NAPEPLD: variants seen among roughly 807,000 people sequenced by gnomAD.
NAPEPLD encodes N-acyl-phosphatidylethanolamine-hydrolyzing phospholipase D.
In NAPEPLD, 23 loss-of-function variants were observed where a neutral mutation model predicts 38.1. The observed-to-expected ratio is 0.60, with a 90% CI of 0.43 to 0.86. The LOEUF (loss-of-function observed/expected upper bound fraction) is 0.86. Ranked by LOEUF, NAPEPLD falls within the 40% of genes least tolerant of loss-of-function variation. NAPEPLD has a pLI of 0.00. For missense variants in NAPEPLD, 411 were observed against 476.8 expected (o/e 0.86, Z 1.28); for synonymous variants, 147 against 162.0 (o/e 0.91, Z 0.71).
chr7:103,127,360 A>C (rs1808039800), intron 2 of NAPEPLD: 1 of 152,256 alleles, frequency 6.6e-6, no homozygotes, highest in Admixed American at 6.5e-5. Context: ...CTATACCCAA[A>C]TTATCAATTA....
chr7:103,109,059 C>T (rs1485909507), intron 4 of NAPEPLD, among the ~76,000 whole-genome samples: 2 of 152,122 alleles, frequency 1.3e-5, no homozygotes, highest in Admixed American at 6.5e-5. Context: ...TATATATGCA[C>T]CCAATACAGG....
rs187755973 is a variant in NAPEPLD at position 103,109,255 on chromosome 7, G to A, written c.1057-5701C>T. On this transcript the variant is annotated intron_variant, in intron 4 of 4. Coordinates refer to ENST00000465647, the MANE Select transcript of NAPEPLD (RefSeq NM_001122838.3). ...CAAGCAGACCTAACAGACATCTACAGAACTCTCCACCCCCAAATCAACAGA... is the reference window on the plus strand; with the variant it reads ...CAAGCAGACCTAACAGACATCTACAAAACTCTCCACCCCCAAATCAACAGA... Among the ~76,000 whole-genome samples the A allele has an allele frequency of 1.8e-4, 27 of 152,224 alleles. No individual in the cohort carries two copies. The East Asian group carries it at 3.9e-3, about 22-fold the overall frequency.
chr7:103,128,846 T>C (rs2129530426), intron 1 of NAPEPLD, 54 bp from the exon 2 acceptor site: 1 of 1,502,368 alleles, frequency 6.7e-7, no homozygotes, highest in Admixed American at 2.2e-5. Context: ...CATTCAAACA[T>C]AACACAAGGT....
intron 4 of NAPEPLD, among the ~76,000 whole-genome samples, chr7:103,106,938 C>T (rs1011325280): frequency 6.6e-6 from 1 of 152,174 alleles, no homozygotes; most frequent in Non-Finnish European, 1.5e-5. Context: ...GGTCCCTGAC[C>T]CCTGTGTATC....
chr7:103,121,333 T>C (rs1806653436), intron 2 of NAPEPLD, among the ~76,000 whole-genome samples: 1 of 152,202 alleles, frequency 6.6e-6, no homozygotes, highest in South Asian at 2.1e-4. Context: ...TAAAGCTCTT[T>C]TACTGAATTG....
At chr7:103,113,238 T>C (rs1804880778) in intron 4 of NAPEPLD, among the ~76,000 whole-genome samples, 1 of 152,224 alleles carries the variant, frequency 6.6e-6, no homozygotes, top group Non-Finnish European at 1.5e-5. Context: ...CTTCTCCAAA[T>C]ACGCACCCAC....
chr7:103,142,564 C>CCACTG (rs934767436), intron 1 of NAPEPLD, among the ~76,000 whole-genome samples: 19 of 152,136 alleles, frequency 1.2e-4, no homozygotes, highest in African/African-American at 3.6e-4. Context: ...CAAGATCGTG[C>CCACTG]CACTGCACTG....
chr7:103,122,534 G>A (rs551093288), intron 2 of NAPEPLD, among the ~76,000 whole-genome samples: 4 of 152,296 alleles, frequency 2.6e-5, no homozygotes, highest in African/African-American at 9.6e-5. Context: ...AAGAGAAGGA[G>A]CAGCACAGGT....
At chr7:103,147,797 A>C (rs1370081372) in intron 1 of NAPEPLD, among the ~76,000 whole-genome samples, 1 of 152,196 alleles carries the variant, frequency 6.6e-6, no homozygotes, top group Non-Finnish European at 1.5e-5. Context: ...TACACTAAGT[A>C]TTTTTATCTC....
intron 1 of NAPEPLD, chr7:103,141,692 C>T: frequency 1.1e-6 from 1 of 914,708 alleles, no homozygotes; most frequent in South Asian, 1.3e-5. Context: ...ATTGGCTGTA[C>T]CCTTCCGCTT....
At chr7:103,117,479 C>G (rs1188381079) in intron 3 of NAPEPLD, among the ~76,000 whole-genome samples, 1 of 152,082 alleles carries the variant, frequency 6.6e-6, no homozygotes, top group Non-Finnish European at 1.5e-5. Context: ...AACTTAAAAT[C>G]TTAACTGACT....
At chr7:103,111,431 A>T (rs903637147) in intron 4 of NAPEPLD, among the ~76,000 whole-genome samples, 16 of 152,230 alleles carry the variant, frequency 1.1e-4, no homozygotes, top group Non-Finnish European at 2.1e-4. Flanking sequence ...AATGGAACAG[A>T]ACAGAGGCCT....
chr7:103,125,320 C>A (rs892210959), intron 2 of NAPEPLD, among the ~76,000 whole-genome samples: 2 of 152,142 alleles, frequency 1.3e-5, no homozygotes, highest in South Asian at 2.1e-4. Flanking sequence ...AGTATAAGAT[C>A]TATCAAAATG....
intron 3 of NAPEPLD, among the ~76,000 whole-genome samples, chr7:103,119,338 TCAAAA>T (rs1806159835): frequency 6.6e-6 from 1 of 152,196 alleles, no homozygotes; most frequent in Admixed American, 6.5e-5. Flanking sequence ...CATACATATA[TCAAAA>T]CATCATGTTG....
chr7:103,118,866 A>C (rs1806061010), intron 3 of NAPEPLD, among the ~76,000 whole-genome samples: 2 of 152,226 alleles, frequency 1.3e-5, no homozygotes, highest in Admixed American at 1.3e-4. Context: ...ATAGGTCAAT[A>C]GTATGTCAAG....
chr7:103,108,599 C>T (rs1056055495), intron 4 of NAPEPLD, among the ~76,000 whole-genome samples: 2 of 152,172 alleles, frequency 1.3e-5, no homozygotes, highest in Non-Finnish European at 2.9e-5. Flanking sequence ...AAGCACTAAA[C>T]ATGGAAAGGA....
intron 4 of NAPEPLD, among the ~76,000 whole-genome samples, chr7:103,107,903 A>G (rs1803709615): frequency 6.6e-6 from 1 of 152,194 alleles, no homozygotes; most frequent in African/African-American, 2.4e-5. Flanking sequence ...AGAGAACACC[A>G]CAAAGATACT....
At position 103,128,696 on chromosome 7, in the gene NAPEPLD, T is replaced by G; in HGVS notation, c.81A>C (p.Ser27=). 6.2e-7 allele frequency: 1 copy of G among 1,614,218 alleles called. No individual in the cohort carries two copies. Among genetic ancestry groups the G allele is most frequent in the Non-Finnish European group, 8.5e-7 (1 of 1,180,044 alleles). The stretch of plus-strand genomic sequence containing the variant: ...AATCACTTGCTCCGGAATTCCGTGC[T>G]GAATTTTGACGTTTTCTTACTGCTT... The part of the protein sequence containing the change: ...PKEAVRKRQN[S]ARNSGASDSS... The change falls in exon 2 of 5, where the codon TCA becomes TCC. Residue 27 remains serine, a synonymous_variant. Coordinates refer to ENST00000465647, the MANE Select transcript of NAPEPLD (RefSeq NM_001122838.3).
In NAPEPLD at chr7:103,133,412, G is replaced by GAA. The variant is rs531586501; in HGVS notation, c.-16-4622_-16-4621dup. Among the ~76,000 whole-genome samples the GAA allele has an allele frequency of 2.6e-4, 40 of 152,328 alleles. 3 individuals carry two copies. In the South Asian group the frequency reaches 8.3e-3, roughly 32 times the overall value. ...CAGAAGCACGTAAAACCTGAGCCTT[G>GAA]AAACTCTGGACTGGTTTTTCTGGAG... On this transcript the variant is annotated intron_variant, in intron 1 of 4. Transcript: ENST00000465647.
Sources: gnomAD v4.1 joint callset for allele counts (sites outside exome capture counted in the v4.1 genomes callset) on GRCh38, gnomAD v4.1.1 for gene constraint, MANE v1.5 for transcripts, NCBI Gene and HGNC (gene_info 2026-07-23, HGNC 2026-07-21) for gene names.